Variants in NCOR1 observed in about 807,000 individuals in gnomAD.
NCOR1 encodes the protein nuclear receptor corepressor 1.
A neutral mutation model predicts 288.1 loss-of-function variants in NCOR1; 63 were observed. That is an observed-to-expected ratio of 0.22 (90% confidence interval 0.18 to 0.27). The LOEUF (loss-of-function observed/expected upper bound fraction) is 0.27. Ranked by LOEUF, NCOR1 falls within the 10% of genes least tolerant of loss-of-function variation. The pLI, the probability that NCOR1 is intolerant of heterozygous loss-of-function variation, is 1.00. For synonymous variants in NCOR1, 1,007 were observed against 1,065.9 expected (o/e 0.94, Z 1.08); for missense variants, 2,397 against 3,019.2 (o/e 0.79, Z 4.83).
At chr17:16,100,864 T>A (rs2067493116) in intron 20 of NCOR1, among the ~76,000 whole-genome samples, 1 of 152,242 alleles carries the variant, frequency 6.6e-6, no homozygotes, top group African/African-American at 2.4e-5. Context: ...GTTTTGAGGT[T>A]GCACTGCCTT....
chr17:16,097,416 AC>A (rs2152966797), intron 21 of NCOR1, among the ~76,000 whole-genome samples: 1 of 152,230 alleles, frequency 6.6e-6, no homozygotes. Flanking sequence ...CATCCAGCTC[AC>A]CCCACCCCCA....
At chr17:16,134,542 G>T (rs777722588) in intron 14 of NCOR1, among the ~76,000 whole-genome samples, 2 of 152,160 alleles carry the variant, frequency 1.3e-5, no homozygotes, top group Non-Finnish European at 2.9e-5. Flanking sequence ...AGAATGTACA[G>T]AAGAGAACAC....
chr17:16,164,016 T>C (rs1448455071), intron 5 of NCOR1, among the ~76,000 whole-genome samples: 3 of 152,092 alleles, frequency 2.0e-5, no homozygotes, highest in Non-Finnish European at 4.4e-5. Context: ...TAACTGCTAG[T>C]AGGTATGGAG....
At chr17:16,097,047 A>C (rs957727529) in intron 21 of NCOR1, among the ~76,000 whole-genome samples, 2 of 152,260 alleles carry the variant, frequency 1.3e-5, no homozygotes, top group Non-Finnish European at 2.9e-5. Flanking sequence ...GTATGATTTC[A>C]TTTATATGAC....
chr17:16,144,426 T>A (rs1029887811), intron 10 of NCOR1, among the ~76,000 whole-genome samples: 1 of 152,178 alleles, frequency 6.6e-6, no homozygotes, highest in Non-Finnish European at 1.5e-5. Flanking sequence ...ATAATAAAGT[T>A]TTCTTTTCAA....
chr17:16,063,991 T>C, intron 35 of NCOR1, 77 bp downstream of exon 35: 6 of 1,443,116 alleles, frequency 4.2e-6, no homozygotes, highest in South Asian at 1.5e-5. Flanking sequence ...CAAAACTTTT[T>C]GTGCGCAGCA....
chr17:16,116,046 A>G (rs2071499293), intron 18 of NCOR1, among the ~76,000 whole-genome samples: 1 of 152,218 alleles, frequency 6.6e-6, no homozygotes, highest in African/African-American at 2.4e-5. Flanking sequence ...AGCAAGGAGG[A>G]GCAAGTAACA....
intron 44 of NCOR1, 32 bp downstream of exon 44, chr17:16,039,401 G>C (rs1340111856): frequency 6.3e-7 from 1 of 1,596,114 alleles, no homozygotes. Flanking sequence ...TTGGGGAAAA[G>C]CAGCAGAAAA....
chr17:16,213,805 T>C (rs2092345633), intron 1 of NCOR1, among the ~76,000 whole-genome samples: 1 of 152,184 alleles, frequency 6.6e-6, no homozygotes, highest in Non-Finnish European at 1.5e-5. Context: ...CAAAATCACA[T>C]AGTTAGAGCA....
intron 43 of NCOR1, 110 bp downstream of exon 43, chr17:16,040,331 T>G (rs747689740): frequency 2.3e-6 from 2 of 887,318 alleles, no homozygotes; most frequent in East Asian, 5.2e-5. Flanking sequence ...TATTTTTCCA[T>G]ATTAGAGCAG....
At position 16,145,598 on chromosome 17, in the gene NCOR1, A is replaced by G. The variant is rs549916217; in HGVS notation, c.1082+778T>C. On this transcript the variant is annotated intron_variant, in intron 10 of 45. Transcript: ENST00000268712. Reference sequence around the variant, plus strand: ...CGTCTCTGCCCGGCTGCCCAGTCTGAGACGTGAGGAGCCCCTCTGCCCGGC... The same window carrying G: ...CGTCTCTGCCCGGCTGCCCAGTCTGGGACGTGAGGAGCCCCTCTGCCCGGC... 2.5e-3 allele frequency among the ~76,000 whole-genome samples: 305 copies of G among 123,098 alleles called. 15 individuals carry two copies. The highest frequency in any genetic ancestry group is 3.3e-3 in the Non-Finnish European group (169 of 50,452). The allele number at this position is 123,098 out of a possible 152,430, so 80.8% of individuals were successfully genotyped here. A position where few individuals can be genotyped will look rare whatever the true frequency, so the allele number is the denominator to read the frequency against.
chr17:16,127,677 GTA>G (rs1184615684), intron 14 of NCOR1, among the ~76,000 whole-genome samples: 36 of 143,508 alleles, frequency 2.5e-4, no homozygotes, highest in African/African-American at 6.4e-4. Context: ...GTATATATGT[GTA>G]TGTGTATATA....
chr17:16,197,484 C>G (rs2090059756), intron 1 of NCOR1, among the ~76,000 whole-genome samples: 1 of 152,040 alleles, frequency 6.6e-6, no homozygotes, highest in South Asian at 2.1e-4. Flanking sequence ...CCTGTTTTTT[C>G]CCTGCTCCCT....
chr17:16,055,972 G>A (rs536477401), intron 40 of NCOR1, among the ~76,000 whole-genome samples: 1 of 152,176 alleles, frequency 6.6e-6, no homozygotes, highest in East Asian at 1.9e-4. Context: ...AACAAAACTC[G>A]TCATACACTG....
At chr17:16,179,059 T>C (rs770711493) in intron 3 of NCOR1, among the ~76,000 whole-genome samples, 2 of 152,034 alleles carry the variant, frequency 1.3e-5, no homozygotes, top group Non-Finnish European at 2.9e-5. Flanking sequence ...GTCAAGATCA[T>C]GTCACTGCAC....
intron 31 of NCOR1, among the ~76,000 whole-genome samples, chr17:16,069,661 T>C (rs527375353): frequency 3.3e-5 from 5 of 152,366 alleles, no homozygotes. Context: ...TCTTTACATG[T>C]ACTACCTTAT....
intron 1 of NCOR1, among the ~76,000 whole-genome samples, chr17:16,194,918 A>C (rs2089430179): frequency 6.6e-6 from 1 of 152,256 alleles, no homozygotes; most frequent in Non-Finnish European, 1.5e-5. Context: ...ATAACTGCTC[A>C]GTAAATATCT....
chr17:16,127,113 ATG>A (rs1491430694), intron 14 of NCOR1, among the ~76,000 whole-genome samples: 7,966 of 143,132 alleles, frequency 0.056, 2,480 homozygotes, highest in African/African-American at 0.1. Context: ...GTGTGTGTAT[ATG>A]TATATATCTG....
chr17:16,184,280 G>A (rs1056372195), intron 3 of NCOR1, among the ~76,000 whole-genome samples: 4 of 152,108 alleles, frequency 2.6e-5, no homozygotes, highest in Non-Finnish European at 4.4e-5. Context: ...TCAGCAGCCT[G>A]TAGACACAGA....
Sources: allele counts gnomAD v4.1 joint callset (sites outside exome capture counted in the v4.1 genomes callset), GRCh38; gene constraint gnomAD v4.1.1; transcripts MANE v1.5; gene names NCBI Gene and HGNC (gene_info 2026-07-23, HGNC 2026-07-21).